Variants in ERAP2 observed in about 807,000 individuals in gnomAD.
The protein encoded by ERAP2 is leukocyte-derived arginine aminopeptidase.
ERAP2 carries 118 observed loss-of-function variants against 111.1 expected under a neutral mutation model. The observed-to-expected ratio is 1.06, with a 90% CI of 0.92 to 1.24. The LOEUF is 1.24. Ranked by LOEUF, ERAP2 falls within the 50% of genes most tolerant of loss-of-function variation. ERAP2 has a pLI of 0.00. For missense variants in ERAP2, 1,131 were observed against 1,125.8 expected, an observed-to-expected ratio of 1.00 and a Z score of -0.07; for synonymous variants, 410 against 401.2, an observed-to-expected ratio of 1.02 and a Z score of -0.26.
chr5:96,898,103 G>A (rs575817588), intron 9 of ERAP2, among the ~76,000 whole-genome samples: 1 of 152,254 alleles, frequency 6.6e-6, no homozygotes, highest in African/African-American at 2.4e-5. Flanking sequence ...GGCTAAGGCA[G>A]GAGAATCACT....
intron 4 of ERAP2, among the ~76,000 whole-genome samples, chr5:96,887,464 C>T (rs1783877169): frequency 6.6e-6 from 1 of 151,966 alleles, no homozygotes; most frequent in Non-Finnish European, 1.5e-5. Context: ...TCATGCCTGG[C>T]TAATTTTTGT....
intron 10 of ERAP2, 39 bp downstream of exon 10, chr5:96,900,228 G>C: frequency 1.2e-6 from 2 of 1,611,836 alleles, no homozygotes; most frequent in Non-Finnish European, 8.5e-7. Context: ...AGAGATCTGT[G>C]GAATAGCCTG....
At position 96,914,148 on chromosome 5, in the gene ERAP2, T is replaced by TCTCACACACACACACACA. The variant is rs34158080; in HGVS notation, c.2657+692_2657+693insTCACACACACACACACAC. On this transcript the variant is annotated intron_variant, in intron 17 of 18. Coordinates refer to ENST00000437043, the MANE Select transcript of ERAP2 (RefSeq NM_022350.5). ...CTTTCTGTCTCTCTCTCTCTCTCTC[T>TCTCACACACACACACACA]CACACACACACACACACACAATCAC... Among the ~76,000 whole-genome samples, 203 of 148,070 alleles carry TCTCACACACACACACACA rather than the reference T, an allele frequency of 1.4e-3. 1 individual carries two copies. Among genetic ancestry groups the TCTCACACACACACACACA allele is most frequent in the East Asian group, 0.01 (52 of 4,970 alleles).
At position 96,896,424 on chromosome 5, in the gene ERAP2, A is replaced by C; in HGVS notation, c.1291A>C (p.Asn431His). Reference protein sequence around the residue: ...CFEVITKDSLNSSRPISKPAE... With the variant: ...CFEVITKDSLHSSRPISKPAE... Reference sequence around the variant, plus strand: ...TGAAGTAATTACAAAAGATTCATTGAATTCATCCCGCCCTATCTCCAAACC... The same window carrying C: ...TGAAGTAATTACAAAAGATTCATTGCATTCATCCCGCCCTATCTCCAAACC... The change falls in exon 8 of 19, where the codon AAT becomes CAT. Residue 431 changes from asparagine to histidine, a missense_variant. Physicochemically the swap from Asn to His is moderately conservative, Grantham distance 68. This residue lies in a region of ERAP2 where 847 missense variants were observed against 856.5 expected (regional missense o/e 0.99). Transcript: ENST00000437043. 6.2e-7 allele frequency: 1 copy of C among 1,613,020 alleles called. No homozygotes were observed. The highest frequency in any genetic ancestry group is 8.5e-7 in the Non-Finnish European group (1 of 1,179,188).
At chr5:96,901,798 A>G in intron 11 of ERAP2, 117 bp downstream of exon 11, 1 of 981,602 alleles carries the variant, frequency 1.0e-6, no homozygotes, top group Non-Finnish European at 1.5e-6. Flanking sequence ...TATAAGAATC[A>G]AAGGCCTAAA....
Position 96,900,201 on chromosome 5 carries a change from G to C in ERAP2, c.1572+12G>C. The C allele has an allele frequency of 6.2e-7, 1 of 1,613,348 alleles. No individual in the cohort carries two copies. The highest frequency in any genetic ancestry group is 1.3e-5 in the African/African-American group (1 of 75,024). ...TGACAAGTAACATGGTAAGGATAAA[G>C]AGAGTCACAGAGTAGAAGAGATCTG... On this transcript the variant is annotated intron_variant, in intron 10 of 18. Transcript: ENST00000437043.
rs1014879500 is a variant in ERAP2, at chr5:96,918,234, C to T, written c.*629C>T. ...TATAGATACAGCTGTAATTATTTAG[C>T]CTCAAGTGACTTTCTCCATTGCTTC... On this transcript the variant is annotated 3_prime_UTR_variant, in exon 19 of 19. Transcript: ENST00000437043. 6.6e-6 allele frequency: 1 copy of T among 152,328 alleles called. No homozygotes were observed. The highest frequency in any genetic ancestry group is 2.4e-5 in the African/African-American group (1 of 41,446). 9.4% of individuals were successfully genotyped at this position (152,328 alleles called of 1,614,324 possible).
At position 96,915,784 on chromosome 5, in the gene ERAP2, G is replaced by GT. The variant is rs1452914901; in HGVS notation, c.2739+20dup. Reference sequence around the variant, plus strand: ...AGTTGCAAGAGGTTTGTGACTTTCTGTTTTTAACAATTTCAAAATAAATGT... The same window carrying GT: ...AGTTGCAAGAGGTTTGTGACTTTCTGTTTTTTAACAATTTCAAAATAAATGT... On this transcript the variant is annotated intron_variant, in intron 18 of 18. Coordinates refer to ENST00000437043, the MANE Select transcript of ERAP2 (RefSeq NM_022350.5). The GT allele has an allele frequency of 6.4e-7, 1 of 1,570,314 alleles. No homozygotes were observed. Among genetic ancestry groups the GT allele is most frequent in the Middle Eastern group, 1.7e-4 (1 of 5,952 alleles).
intron 4 of ERAP2, among the ~76,000 whole-genome samples, chr5:96,888,497 G>A (rs1328215886): frequency 6.6e-5 from 10 of 152,304 alleles, no homozygotes; most frequent in Admixed American, 2.0e-4. Flanking sequence ...GATTTTATAC[G>A]TAAGCATTCA....
intron 15 of ERAP2, among the ~76,000 whole-genome samples, chr5:96,911,041 G>T (rs993558742): frequency 1.3e-5 from 2 of 152,190 alleles, no homozygotes; most frequent in East Asian, 3.8e-4. Flanking sequence ...TTATTCAAAT[G>T]TCACTTGGGG....
At position 96,880,207 on chromosome 5, in the gene ERAP2, T is replaced by A; in HGVS notation, c.522T>A (p.Asp174Glu). The change falls in exon 2 of 19, where the codon GAT becomes GAA. Residue 174 changes from aspartate (D) to glutamate (E), a missense_variant. Asp to Glu is a conservative substitution (Grantham distance 45, BLOSUM62 2). This residue lies in a region of ERAP2 where 847 missense variants were observed against 856.5 expected (regional missense o/e 0.99). Coordinates refer to ENST00000437043, the MANE Select transcript of ERAP2 (RefSeq NM_022350.5). ...VAMDFQAKLGDGFEGFYKSTY... is the reference protein window; with the variant it reads ...VAMDFQAKLGEGFEGFYKSTY... ...TGGACTTCCAAGCCAAGTTAGGTGA[T>A]GGCTTTGAAGGGTTTTATAAAAGCA... The A allele has an allele frequency of 1.2e-6, 2 of 1,614,100 alleles. No homozygotes were observed. Among genetic ancestry groups the A allele is most frequent in the Non-Finnish European group, 1.7e-6 (2 of 1,179,998 alleles).
intron 13 of ERAP2, among the ~76,000 whole-genome samples, chr5:96,906,157 T>C (rs2112302374): frequency 6.7e-6 from 1 of 150,324 alleles, no homozygotes; most frequent in South Asian, 2.1e-4. Context: ...TCCAGAGCCA[T>C]TCTCTTAACC....
At chr5:96,887,745 A>G (rs1783910731) in intron 4 of ERAP2, among the ~76,000 whole-genome samples, 1 of 152,236 alleles carries the variant, frequency 6.6e-6, no homozygotes, top group African/African-American at 2.4e-5. Flanking sequence ...TGAACACATT[A>G]AATAAATAAA....
At chr5:96,909,559 A>G (rs767184056) in intron 14 of ERAP2, 21 bp from the exon 15 acceptor site, 3 of 1,600,762 alleles carry the variant, frequency 1.9e-6, no homozygotes, top group Middle Eastern at 1.7e-4. Flanking sequence ...CTCTCTGTTA[A>G]CCATCTCATA....
intron 17 of ERAP2, 75 bp downstream of exon 17, chr5:96,913,532 A>G: frequency 6.6e-7 from 1 of 1,514,758 alleles, no homozygotes; most frequent in Non-Finnish European, 9.1e-7. Context: ...GTGTAATCAA[A>G]TGTTTCTCAA....
intron 4 of ERAP2, among the ~76,000 whole-genome samples, chr5:96,887,094 TATATATAC>T (rs1192584489): frequency 0.026 from 2,976 of 115,388 alleles, 49 homozygotes; most frequent in Middle Eastern, 0.11. Context: ...TATATATATA[TATATATAC>T]ACACACACAC....
intron 1 of ERAP2, among the ~76,000 whole-genome samples, chr5:96,878,242 A>G (rs1218574791): frequency 6.6e-6 from 1 of 152,164 alleles, no homozygotes; most frequent in African/African-American, 2.4e-5. Flanking sequence ...AAAATTCTGT[A>G]AGAATATTAT....
At chr5:96,887,217 T>A (rs999192522) in intron 4 of ERAP2, among the ~76,000 whole-genome samples, 2 of 151,686 alleles carry the variant, frequency 1.3e-5, no homozygotes, top group Admixed American at 6.6e-5. Flanking sequence ...TCATTTAAAA[T>A]TTTAAATAAT....
intron 1 of ERAP2, among the ~76,000 whole-genome samples, chr5:96,878,621 T>A (rs150362528): frequency 6.6e-6 from 1 of 151,614 alleles, no homozygotes; most frequent in South Asian, 2.1e-4. Flanking sequence ...TGGTGACACA[T>A]TGTCTTTCAA....
Sources: allele counts gnomAD v4.1 joint callset (sites outside exome capture counted in the v4.1 genomes callset), GRCh38; gene constraint gnomAD v4.1.1; regional missense constraint gnomAD v4.1.1; transcripts MANE v1.5; gene names NCBI Gene and HGNC (gene_info 2026-07-23, HGNC 2026-07-21).